SLC16A4: variants seen among roughly 807,000 people sequenced by gnomAD.
The protein encoded by SLC16A4 is probable monocarboxylate transporter 5.
A neutral mutation model predicts 47.9 loss-of-function variants in SLC16A4; 39 were observed. That is an observed-to-expected ratio of 0.81 (90% CI 0.63 to 1.06). The LOEUF (loss-of-function observed/expected upper bound fraction) is 1.06, where lower values mean the gene tolerates loss of function less well. Ranked by LOEUF, SLC16A4 falls within the 50% of genes least tolerant of loss-of-function variation. SLC16A4 has a pLI of 0.00. For synonymous variants in SLC16A4, 189 were observed against 199.9 expected (o/e 0.95, Z 0.46); for missense variants, 524 against 573.8 (o/e 0.91, Z 0.89).
At chr1:110,368,360 C>T (rs1393500722) in intron 8 of SLC16A4, among the ~76,000 whole-genome samples, 2 of 152,076 alleles carry the variant, frequency 1.3e-5, no homozygotes, top group African/African-American at 2.4e-5. Context: ...TGTATGTAGC[C>T]AGCACTCTGA....
At chr1:110,377,709 G>C (rs966481587) in intron 6 of SLC16A4, among the ~76,000 whole-genome samples, 1 of 152,176 alleles carries the variant, frequency 6.6e-6, no homozygotes, top group Admixed American at 6.5e-5. Context: ...TTGGAAATGG[G>C]AGATTGTATT....
chr1:110,379,118 TGA>T lies in SLC16A4; in HGVS notation c.763_764del (p.Ser255ThrfsTer5). ...TGTAGAACTCTTCACTTTGATTTTG[TGA>T]GACTGTTAAATTTTTGCTAGGTAGT... ...AGLPSKNLTVSQNQSEEFYNG... is the reference protein window; with the variant it reads ...AGLPSKNLTVXQNQSEEFYNG... On this transcript the variant is annotated frameshift_variant, in exon 6 of 9. Transcript: ENST00000369779. LOFTEE classifies it high-confidence loss of function. 1 of 1,614,184 alleles carries T rather than the reference TGA, an allele frequency of 6.2e-7. No individual in the cohort carries two copies. Among genetic ancestry groups the T allele is most frequent in the Non-Finnish European group, 8.5e-7 (1 of 1,179,978 alleles).
chr1:110,381,912 T>C, intron 3 of SLC16A4, 117 bp from the exon 4 acceptor site: 1 of 938,020 alleles, frequency 1.1e-6, no homozygotes, highest in African/African-American at 1.7e-5. Context: ...CTTTGAAGTA[T>C]TACGTATTCT....
intron 5 of SLC16A4, 56 bp from the exon 6 acceptor site, chr1:110,379,412 T>C: frequency 6.6e-7 from 1 of 1,506,938 alleles, no homozygotes; most frequent in South Asian, 1.3e-5. Flanking sequence ...CAATACTGCT[T>C]TGTGTTCATA....
chr1:110,383,805 G>GGTTTTTTTTTT (rs1557913543), intron 2 of SLC16A4, among the ~76,000 whole-genome samples: 4 of 65,758 alleles, frequency 6.1e-5, no homozygotes, highest in Admixed American at 2.1e-4. Flanking sequence ...TTAAAAGGAG[G>GGTTTTTTTTTT]TTTTTTTTTT....
At chr1:110,370,282 C>CT (rs778358888) in intron 8 of SLC16A4, 2 of 151,910 alleles carry the variant, frequency 1.3e-5, no homozygotes, top group Non-Finnish European at 2.9e-5. Context: ...GAGGACAGGG[C>CT]TTTGCTCTGC....
At chr1:110,384,784 G>A (rs757453889) in intron 2 of SLC16A4, among the ~76,000 whole-genome samples, 8 of 152,194 alleles carry the variant, frequency 5.3e-5, no homozygotes, top group Non-Finnish European at 8.8e-5. Flanking sequence ...GCCGAGGTGG[G>A]TGGATCGCTT....
At position 110,376,917 on chromosome 1, in the gene SLC16A4, G is replaced by A. The variant is rs190404179; in HGVS notation, c.1242+33C>T. ...TTACTGATACTTGCTTTTACTAAAT[G>A]GTTTAACAATGTTAATGAGTGTGTC... On this transcript the variant is annotated intron_variant, in intron 7 of 8. Coordinates refer to ENST00000369779, the MANE Select transcript of SLC16A4 (RefSeq NM_004696.3). 4 of 1,541,060 alleles carry A rather than the reference G, an allele frequency of 2.6e-6. No individual in the cohort carries two copies. In the East Asian group the frequency reaches 9.0e-5, roughly 35 times the overall value.
chr1:110,383,545 T>C (rs534447580), intron 2 of SLC16A4, among the ~76,000 whole-genome samples: 1 of 152,202 alleles, frequency 6.6e-6, no homozygotes, highest in East Asian at 1.9e-4. Context: ...GATGAGCCAG[T>C]TTATTAATCT....
intron 8 of SLC16A4, 151 bp from the exon 9 acceptor site, chr1:110,364,044 A>G (rs1661228789): frequency 1.6e-6 from 1 of 644,424 alleles, no homozygotes; most frequent in East Asian, 3.1e-5. Flanking sequence ...TCACTGATGA[A>G]GTTGAATCAG....
intron 7 of SLC16A4, among the ~76,000 whole-genome samples, chr1:110,376,402 A>G (rs1193791079): frequency 2.0e-5 from 3 of 152,168 alleles, no homozygotes; most frequent in Non-Finnish European, 4.4e-5. Flanking sequence ...TGAGACTCCC[A>G]GGGGTTCCCA....
In SLC16A4 at chr1:110,363,668, A is replaced by T; in HGVS notation, c.*98T>A. On this transcript the variant is annotated 3_prime_UTR_variant, in exon 9 of 9. Transcript: ENST00000369779. ...AATTGTTTTCCTTCTCATGTTACAA[A>T]TGTAGATGCGATGTGTTTCTTTCAA... 8.4e-7 allele frequency: 1 copy of T among 1,191,052 alleles called. No homozygotes were observed. The highest frequency in any genetic ancestry group is 1.1e-6 in the Non-Finnish European group (1 of 871,154). 73.8% of individuals were successfully genotyped at this position (1,191,052 alleles called of 1,614,324 possible). A position where few individuals can be genotyped will look rare whatever the true frequency, so the allele number is the denominator to read the frequency against.
At chr1:110,373,368 A>T (rs1661787635) in intron 8 of SLC16A4, among the ~76,000 whole-genome samples, 1 of 152,162 alleles carries the variant, frequency 6.6e-6, no homozygotes, top group African/African-American at 2.4e-5. Context: ...TGCATCAGCA[A>T]ACTGTGTTTG....
intron 5 of SLC16A4, 83 bp downstream of exon 5, chr1:110,380,899 G>T: frequency 1.6e-6 from 2 of 1,254,868 alleles, no homozygotes; most frequent in Non-Finnish European, 2.3e-6. Flanking sequence ...TGCTCTGAAA[G>T]TCTTAACTTC....
chr1:110,381,053 C>G lies in SLC16A4; in HGVS notation c.455G>C (p.Arg152Pro). The G allele has an allele frequency of 6.2e-7, 1 of 1,614,032 alleles. No homozygotes were observed. Among genetic ancestry groups the G allele is most frequent in the Non-Finnish European group, 8.5e-7 (1 of 1,179,928 alleles). The change falls in exon 5 of 9, where the codon CGT (arginine) becomes CCT (proline). Residue 152 changes from arginine (R) to proline (P), a missense_variant. Physicochemically the swap from Arg to Pro is moderately radical, Grantham distance 103. Coordinates refer to ENST00000369779, the MANE Select transcript of SLC16A4 (RefSeq NM_004696.3). ...KRLALSTAIA[R>P]SGMGLTFLLA... ...AAGAAAAGTCAGTCCCATCCCAGAA[C>G]GGGCAATAGCTGTAGAAAGAGCCAA...
chr1:110,369,366 G>A (rs768666783), intron 8 of SLC16A4, among the ~76,000 whole-genome samples: 32 of 152,094 alleles, frequency 2.1e-4, no homozygotes, highest in Non-Finnish European at 3.5e-4. Flanking sequence ...TTGGGAGGCC[G>A]ATGTGGGCGG....
Position 110,364,055 on chromosome 1 carries a change from C to G in SLC16A4, c.1337-162G>C, listed in dbSNP as rs866013497. 12 of 587,242 alleles carry G rather than the reference C, an allele frequency of 2.0e-5. 1 individual carries two copies. In the Middle Eastern group the frequency reaches 2.8e-3, roughly 135 times the overall value. The allele number at this position is 587,242 out of a possible 1,614,324, so 36.4% of individuals were successfully genotyped here. A position where few individuals can be genotyped will look rare whatever the true frequency, so the allele number is the denominator to read the frequency against. ...TTTTTCACTGATGAAGTTGAATCAG[C>G]TCCACCTGAGTTAGGGACTTACACC... On this transcript the variant is annotated intron_variant, in intron 8 of 8. Coordinates refer to ENST00000369779, the MANE Select transcript of SLC16A4 (RefSeq NM_004696.3).
Position 110,378,750 on chromosome 1 carries a change from A to G in SLC16A4, c.1030+103T>C, listed in dbSNP as rs1040229600. 17 of 1,445,220 alleles carry G rather than the reference A, an allele frequency of 1.2e-5. No individual in the cohort carries two copies. In the East Asian group the frequency reaches 3.0e-4, roughly 25 times the overall value. The allele number at this position is 1,445,220 out of a possible 1,614,324, so 89.5% of individuals were successfully genotyped here. A position where few individuals can be genotyped will look rare whatever the true frequency, so the allele number is the denominator to read the frequency against. The stretch of plus-strand genomic sequence containing the variant: ...TTTTACTTTCTCTGGCCCTTCTACA[A>G]TTCCTCTTTTGTTTTTCTTTAGCTT... On this transcript the variant is annotated intron_variant, in intron 6 of 8. Transcript: ENST00000369779.
Position 110,376,954 on chromosome 1 carries a change from A to ATCTACT in SLC16A4, c.1237_1238insAGTAGA (p.Val413delinsGluTer). On this transcript the variant is annotated stop_gained and protein_altering_variant, in exon 7 of 9. Transcript: ENST00000369779. LOFTEE classifies it high-confidence loss of function. ...TTAATGAGTGTGTCTACTCACCAGTACAGGCAGTATCAATGCCAGGTAACC... is the reference window on the plus strand; with the variant it reads ...TTAATGAGTGTGTCTACTCACCAGTATCTACTCAGGCAGTATCAATGCCAGGTAACC... The ATCTACT allele has an allele frequency of 6.2e-7, 1 of 1,612,662 alleles. No individual in the cohort carries two copies. Among genetic ancestry groups the ATCTACT allele is most frequent in the Non-Finnish European group, 8.5e-7 (1 of 1,178,776 alleles).
Sources: allele counts gnomAD v4.1 joint callset (sites outside exome capture counted in the v4.1 genomes callset), GRCh38; gene constraint gnomAD v4.1.1; transcripts MANE v1.5; gene names NCBI Gene and HGNC (gene_info 2026-07-23, HGNC 2026-07-21).